UPRT: variants seen among roughly 807,000 people sequenced by gnomAD.
The protein encoded by UPRT is uracil phosphoribosyltransferase homolog, also known as RP11-311P8.3.
Under a neutral mutation model 22.6 loss-of-function variants are expected in UPRT, and 5 were observed. The ratio of observed to expected loss-of-function variants is 0.22; its 90% CI spans 0.12 to 0.47. UPRT has a LOEUF of 0.47. Ranked by LOEUF, UPRT falls within the 20% of genes least tolerant of loss-of-function variation. The pLI, the probability that UPRT is intolerant of heterozygous loss-of-function variation, is 0.99. For missense variants in UPRT, 181 were observed against 239.9 expected, an observed-to-expected ratio of 0.75 and a Z score of 1.62; for synonymous variants, 77 against 87.7, an observed-to-expected ratio of 0.88 and a Z score of 0.68.
At chrX:75,246,703 C>T (rs1336184848) in intron 4 of UPRT, among the ~76,000 whole-genome samples, 1 of 111,409 alleles carries the variant, frequency 9.0e-6, no homozygotes. Context: ...ATGGTTGAAC[C>T]AGTTTACAGT....
intron 4 of UPRT, among the ~76,000 whole-genome samples, chrX:75,237,401 T>G (rs1347337529): frequency 2.7e-4 from 30 of 111,832 alleles, no homozygotes; most frequent in African/African-American, 7.5e-4. Context: ...GGATTCCTCA[T>G]GGATCTAGAA....
intron 4 of UPRT, among the ~76,000 whole-genome samples, chrX:75,234,925 A>T (rs1186859173): frequency 8.0e-5 from 9 of 111,886 alleles, no homozygotes; most frequent in Admixed American, 3.8e-4. Flanking sequence ...AAGGCAAGAA[A>T]TAACTAAGAT....
upstream of UPRT, among the ~76,000 whole-genome samples, chrX:75,272,300 G>A (rs867045044): frequency 0.023 from 501 of 21,330 alleles, 6 homozygotes; most frequent in Admixed American, 0.058. Context: ...ATATATATGT[G>A]TATATATATG....
intron 4 of UPRT, among the ~76,000 whole-genome samples, chrX:75,193,863 T>G (rs748312132): frequency 8.9e-6 from 1 of 111,865 alleles, no homozygotes; most frequent in Non-Finnish European, 1.9e-5. Flanking sequence ...ATCATTTTAT[T>G]ATAATCCCTA....
intron 4 of UPRT, among the ~76,000 whole-genome samples, chrX:75,262,247 C>T (rs2082571026): frequency 9.0e-6 from 1 of 111,515 alleles, no homozygotes; most frequent in Non-Finnish European, 1.9e-5. Flanking sequence ...TGGATTTTGT[C>T]ACCACCAGAC....
chrX:75,224,947 C>T (rs1363882371), intron 4 of UPRT, among the ~76,000 whole-genome samples: 1 of 111,436 alleles, frequency 9.0e-6, no homozygotes, highest in African/African-American at 3.3e-5. Flanking sequence ...TCACTCTCCC[C>T]ACACTCAGGC....
At chrX:75,264,650 C>T (rs760003124) in intron 4 of UPRT, among the ~76,000 whole-genome samples, 218 of 111,276 alleles carry the variant, frequency 2.0e-3, no homozygotes, top group Non-Finnish European at 2.8e-3. Context: ...TCCAATTTTC[C>T]AGTCTGTGTC....
intron 4 of UPRT, among the ~76,000 whole-genome samples, chrX:75,199,877 A>C (rs776945799): frequency 9.0e-6 from 1 of 111,605 alleles, no homozygotes; most frequent in South Asian, 3.8e-4. Context: ...AAGCGTTCCT[A>C]TTTCTCCACA....
chrX:75,183,673 C>T (rs1438109533), intron 4 of UPRT, among the ~76,000 whole-genome samples: 1 of 111,855 alleles, frequency 8.9e-6, no homozygotes, highest in Non-Finnish European at 1.9e-5. Context: ...TCCACATCCT[C>T]CCCAGCACCT....
At position 75,274,175 on chromosome X, in the gene UPRT, A is replaced by G; in HGVS notation, c.-80A>G. 1 of 1,135,061 alleles carries G rather than the reference A, an allele frequency of 8.8e-7. No individual in the cohort carries two copies. Among genetic ancestry groups the G allele is most frequent in the Non-Finnish European group, 1.2e-6 (1 of 856,015 alleles). The allele number at this position is 1,135,061 out of a possible 1,213,427, so 93.5% of individuals were successfully genotyped here. A position where few individuals can be genotyped will look rare whatever the true frequency, so the allele number is the denominator to read the frequency against. On this transcript the variant is annotated 5_prime_UTR_variant, in exon 1 of 7. Transcript: ENST00000373383. ...AGGAGGCGGGAGCAACCGAGAGAGC[A>G]CGTGAGCATCTGTCCTTTCTACCCG...
intron 4 of UPRT, among the ~76,000 whole-genome samples, chrX:75,185,644 C>G (rs2082287463): frequency 8.9e-6 from 1 of 111,872 alleles, no homozygotes; most frequent in African/African-American, 3.3e-5. Context: ...GTGAATCCAT[C>G]TGGTCCTGGA....
chrX:75,171,615 A>T (rs1602436018), intron 4 of UPRT, among the ~76,000 whole-genome samples: 1 of 102,233 alleles, frequency 9.8e-6, no homozygotes. Flanking sequence ...ATTGCTGGTG[A>T]GCTAGTGTGA....
chrX:75,251,382 A>G (rs1300090247), intron 4 of UPRT, among the ~76,000 whole-genome samples: 1 of 111,762 alleles, frequency 8.9e-6, no homozygotes, highest in African/African-American at 3.3e-5. Flanking sequence ...CACAAAATCA[A>G]TGTGCAAAAA....
intron 4 of UPRT, among the ~76,000 whole-genome samples, chrX:75,233,265 T>A (rs1456696140): frequency 9.1e-6 from 1 of 110,138 alleles, no homozygotes; most frequent in Non-Finnish European, 1.9e-5. Context: ...GAGCAAAGCC[T>A]CCAAGAAATA....
intron 1 of UPRT, 122 bp from the exon 2 acceptor site, chrX:75,293,350 A>T: frequency 1.7e-6 from 1 of 597,139 alleles, no homozygotes; most frequent in Non-Finnish European, 2.5e-6. Context: ...AATAGTCTGT[A>T]CATGTAAGCA....
At chrX:75,186,800 C>A (rs960680071) in intron 4 of UPRT, among the ~76,000 whole-genome samples, 1 of 111,551 alleles carries the variant, frequency 9.0e-6, no homozygotes, top group African/African-American at 3.3e-5. Flanking sequence ...CTCTTTCGAT[C>A]TTTGTTGGTT....
chrX:75,298,065 A>G (rs1249571137), intron 4 of UPRT, among the ~76,000 whole-genome samples: 1 of 108,521 alleles, frequency 9.2e-6, no homozygotes, highest in Non-Finnish European at 1.9e-5. Flanking sequence ...TGTAACCTCA[A>G]ACTCCTGAGT....
chrX:75,219,839 C>T (rs2082404594), intron 4 of UPRT, among the ~76,000 whole-genome samples: 1 of 111,767 alleles, frequency 8.9e-6, no homozygotes, highest in Admixed American at 9.5e-5. Flanking sequence ...ACAAAAAACA[C>T]CAGACTTAAT....
intron 4 of UPRT, among the ~76,000 whole-genome samples, chrX:75,245,055 TA>T (rs758226785): frequency 9.2e-5 from 10 of 109,285 alleles, no homozygotes; most frequent in Non-Finnish European, 1.1e-4. Context: ...CAGAATCTAT[TA>T]AAAAAAACTG....
Sources: gnomAD v4.1 joint callset for allele counts (sites outside exome capture counted in the v4.1 genomes callset) on GRCh38, gnomAD v4.1.1 for gene constraint, MANE v1.5 for transcripts, NCBI Gene and HGNC (gene_info 2026-07-23, HGNC 2026-07-21) for gene names.